RAB3IP: variants seen among roughly 807,000 people sequenced by gnomAD.
RAB3IP encodes rab-3A-interacting protein.
Under a neutral mutation model 59.1 loss-of-function variants are expected in RAB3IP, and 36 were observed. That is an observed-to-expected ratio of 0.61 (90% CI 0.47 to 0.80). The LOEUF (loss-of-function observed/expected upper bound fraction) is 0.80. Among genes scored for constraint, RAB3IP ranks in the 30% least tolerant of loss-of-function variants. The probability of loss-of-function intolerance (pLI) is 0.00; values close to 1 mark genes in which losing one functional copy is unlikely to be tolerated. For missense variants in RAB3IP, 511 were observed against 536.0 expected, an observed-to-expected ratio of 0.95 and a Z score of 0.46; for synonymous variants, 207 against 191.2, an observed-to-expected ratio of 1.08 and a Z score of -0.68.
At position 69,744,325 on chromosome 12, in the gene RAB3IP, TTAAA is replaced by T. The variant is rs1381188026; in HGVS notation, c.-26+5297_-26+5300del. 2.6e-5 allele frequency among the ~76,000 whole-genome samples: 4 copies of T among 152,176 alleles called. No individual in the cohort carries two copies. The East Asian group carries it at 7.7e-4, about 29-fold the overall frequency. Reference sequence around the variant, plus strand: ...TATTATTACAAATAATTATTTGTAATTAAATATAATATTAGCTCATAAGTTCAGA... The same window carrying T: ...TATTATTACAAATAATTATTTGTAATTATAATATTAGCTCATAAGTTCAGA... On this transcript the variant is annotated intron_variant, in intron 1 of 10. Transcript: ENST00000247833.
intron 4 of RAB3IP, among the ~76,000 whole-genome samples, chr12:69,788,123 G>A (rs1369861763): frequency 6.6e-6 from 1 of 152,048 alleles, no homozygotes; most frequent in Non-Finnish European, 1.5e-5. Context: ...TCTGGTCTAA[G>A]TTCCATTTTC....
At chr12:69,767,943 T>G (rs1239051676) in intron 3 of RAB3IP, among the ~76,000 whole-genome samples, 1 of 151,952 alleles carries the variant, frequency 6.6e-6, no homozygotes, top group Admixed American at 6.5e-5. Context: ...GTGAGGTTAC[T>G]CATGCTCCTG....
Position 69,822,672 on chromosome 12 carries a change from T to A in RAB3IP, c.*7226T>A, listed in dbSNP as rs1881877043. 1 of 152,172 alleles carries A rather than the reference T, an allele frequency of 6.6e-6. No individual in the cohort carries two copies. The highest frequency in any genetic ancestry group is 6.5e-5 in the Admixed American group (1 of 15,280). The allele number at this position is 152,172 out of a possible 1,614,324, so 9.4% of individuals were successfully genotyped here. ...TATATTTCACAATAAAGGAGTGGAT[T>A]TGGAATGTTCTCAACACAAATGATA... is the stretch of plus-strand genomic sequence containing the variant. On this transcript the variant is annotated 3_prime_UTR_variant, in exon 11 of 11. Coordinates refer to ENST00000247833, the MANE Select transcript of RAB3IP (RefSeq NM_022456.5).
chr12:69,808,660 G>T (rs576195358), intron 8 of RAB3IP, among the ~76,000 whole-genome samples: 1 of 152,016 alleles, frequency 6.6e-6, no homozygotes, highest in South Asian at 2.1e-4. Flanking sequence ...TTATGTAATG[G>T]TCTTGTCTCT....
chr12:69,803,088 A>C (rs1878647976), intron 8 of RAB3IP, among the ~76,000 whole-genome samples: 1 of 152,168 alleles, frequency 6.6e-6, no homozygotes, highest in East Asian at 1.9e-4. Context: ...TTATTGTAGA[A>C]TTTAAAATTT....
chr12:69,802,317 T>C (rs1262327581), intron 8 of RAB3IP, among the ~76,000 whole-genome samples: 1 of 152,136 alleles, frequency 6.6e-6, no homozygotes, highest in Non-Finnish European at 1.5e-5. Context: ...TCTTTTCATA[T>C]TGTGTTTATA....
At chr12:69,771,445 T>G (rs1252561782) in intron 3 of RAB3IP, among the ~76,000 whole-genome samples, 3 of 151,888 alleles carry the variant, frequency 2.0e-5, no homozygotes, top group Non-Finnish European at 4.4e-5. Flanking sequence ...GAGGATTGCT[T>G]GAGCTTCTGT....
chr12:69,811,675 TCATTAAAGGAATTTG>T (rs1362736881), intron 8 of RAB3IP, among the ~76,000 whole-genome samples: 2 of 152,160 alleles, frequency 1.3e-5, no homozygotes, highest in Non-Finnish European at 2.9e-5. Flanking sequence ...TTGTTACAGA[TCATTAAAGGAATTTG>T]CTAATAAAGA....
rs550835980 is a variant in RAB3IP at position 69,818,709 on chromosome 12, CTTTTCTTATAAAAG to C, written c.*3265_*3278del. ...TGAGAAAACTATATGTGACATGATA[CTTTTCTTATAAAAG>C]TCAAGAACAACTAAAACTGAACAGC... On this transcript the variant is annotated 3_prime_UTR_variant, in exon 11 of 11. Transcript: ENST00000247833. 212 of 152,284 alleles carry C rather than the reference CTTTTCTTATAAAAG, an allele frequency of 1.4e-3. 1 individual carries two copies. The highest frequency in any genetic ancestry group is 5.0e-3 in the African/African-American group (209 of 41,560). The allele number at this position is 152,284 out of a possible 1,614,324, so 9.4% of individuals were successfully genotyped here. A position where few individuals can be genotyped will look rare whatever the true frequency, so the allele number is the denominator to read the frequency against.
intron 4 of RAB3IP, among the ~76,000 whole-genome samples, chr12:69,786,629 T>TTAATTTAAAAAAATTAA (rs1214439629): frequency 1.3e-5 from 2 of 152,160 alleles, no homozygotes; most frequent in Non-Finnish European, 2.9e-5. Context: ...AAGCTATTTA[T>TTAATTTAAAAAAATTAA]GTTAATTTTG....
intron 3 of RAB3IP, among the ~76,000 whole-genome samples, chr12:69,781,550 C>G (rs1874705736): frequency 6.6e-6 from 1 of 152,146 alleles, no homozygotes; most frequent in Non-Finnish European, 1.5e-5. Flanking sequence ...CCCTAAAAAC[C>G]CTGGCAACCA....
intron 4 of RAB3IP, among the ~76,000 whole-genome samples, chr12:69,790,659 A>G (rs1876455044): frequency 6.6e-6 from 1 of 151,726 alleles, no homozygotes; most frequent in Admixed American, 6.6e-5. Flanking sequence ...ATCTTGATTC[A>G]CTATAACCTC....
At chr12:69,765,527 G>A (rs1244594211) in intron 3 of RAB3IP, among the ~76,000 whole-genome samples, 1 of 151,714 alleles carries the variant, frequency 6.6e-6, no homozygotes, top group Non-Finnish European at 1.5e-5. Flanking sequence ...ATGTGCTGTT[G>A]GAATCAGTTT....
At chr12:69,747,313 TGTGTGTGTGTGTGTGTGTGA>T (rs1050196652) in intron 1 of RAB3IP, among the ~76,000 whole-genome samples, 3 of 141,442 alleles carry the variant, frequency 2.1e-5, no homozygotes, top group Admixed American at 7.3e-5. Flanking sequence ...TGTGTGTGTG[TGTGTGTGTGTGTGTGTGTGA>T]GAGAGAGAGA....
At chr12:69,746,663 G>T (rs1313054083) in intron 1 of RAB3IP, among the ~76,000 whole-genome samples, 1 of 152,162 alleles carries the variant, frequency 6.6e-6, no homozygotes, top group African/African-American at 2.4e-5. Context: ...TCACATATAT[G>T]TATGAAATAA....
chr12:69,796,153 AGC>A (rs1877400596), intron 6 of RAB3IP: 1 of 152,300 alleles, frequency 6.6e-6, no homozygotes. Flanking sequence ...ATATAAAATT[AGC>A]TGGGCATGGT....
chr12:69,802,100 ACCTATTAGTGGATTGTGAAAT>A (rs1878480911), intron 8 of RAB3IP, among the ~76,000 whole-genome samples: 1 of 150,986 alleles, frequency 6.6e-6, no homozygotes, highest in Non-Finnish European at 1.5e-5. Context: ...TCATATTGTG[ACCTATTAGTGGATTGTGAAAT>A]CAGTTTAGTG....
intron 8 of RAB3IP, among the ~76,000 whole-genome samples, chr12:69,805,217 T>C (rs1295219972): frequency 6.6e-6 from 1 of 152,206 alleles, no homozygotes; most frequent in Non-Finnish European, 1.5e-5. Context: ...TTCACATCCC[T>C]TGTAAATTGG....
At chr12:69,810,407 C>T (rs1412630069) in intron 8 of RAB3IP, among the ~76,000 whole-genome samples, 1 of 152,152 alleles carries the variant, frequency 6.6e-6, no homozygotes, top group Admixed American at 6.5e-5. Flanking sequence ...CTGGGAGAAC[C>T]ACTGCTCTCT....
Sources: gnomAD v4.1 joint callset for allele counts (sites outside exome capture counted in the v4.1 genomes callset) on GRCh38, gnomAD v4.1.1 for gene constraint, MANE v1.5 for transcripts, NCBI Gene and HGNC (gene_info 2026-07-23, HGNC 2026-07-21) for gene names.